RYR3: variants seen among roughly 807,000 people sequenced by gnomAD.
RYR3 encodes brain ryanodine receptor-calcium release channel.
Under a neutral mutation model 584.3 loss-of-function variants are expected in RYR3, and 207 were observed. The observed-to-expected ratio is 0.35, with a 90% CI of 0.32 to 0.40. The LOEUF is 0.40. Among genes scored for constraint, RYR3 ranks in the 10% least tolerant of loss-of-function variants. The pLI is 1.00. For missense variants in RYR3, 5,616 were observed against 6,089.2 expected (o/e 0.92, Z 2.59); for synonymous variants, 2,416 against 2,248.5 (o/e 1.07, Z -2.11).
intron 102 of RYR3, 148 bp downstream of exon 102, chr15:33,861,326 T>C (rs1478236964): frequency 8.7e-6 from 5 of 576,158 alleles, no homozygotes; most frequent in Admixed American, 5.6e-5. Flanking sequence ...CCATAGACTC[T>C]GTCTCTCCCA....
intron 2 of RYR3, among the ~76,000 whole-genome samples, chr15:33,488,957 T>A (rs1194305656): frequency 6.6e-6 from 1 of 152,226 alleles, no homozygotes; most frequent in Non-Finnish European, 1.5e-5. Context: ...GTCATGGTTA[T>A]GACCTTTTGT....
At chr15:33,372,104 T>C (rs575957720) in intron 1 of RYR3, among the ~76,000 whole-genome samples, 31 of 152,322 alleles carry the variant, frequency 2.0e-4, no homozygotes, top group Middle Eastern at 3.4e-3. Context: ...AATTATTCCA[T>C]TCAGTCTTCA....
intron 10 of RYR3, among the ~76,000 whole-genome samples, chr15:33,557,979 G>A (rs1468640414): frequency 1.3e-5 from 2 of 152,118 alleles, no homozygotes; most frequent in Non-Finnish European, 2.9e-5. Flanking sequence ...CAGATAAACA[G>A]ATACAGATTG....
intron 94 of RYR3, chr15:33,852,013 A>C: frequency 6.6e-6 from 1 of 152,072 alleles, no homozygotes; most frequent in Non-Finnish European, 1.5e-5. Flanking sequence ...AAACCAAAAA[A>C]AAAAAACATT....
chr15:33,585,465 G>C (rs1291789800), intron 15 of RYR3, among the ~76,000 whole-genome samples: 1 of 152,036 alleles, frequency 6.6e-6, no homozygotes, highest in African/African-American at 2.4e-5. Context: ...AAAAAAAGGG[G>C]GAAAAGCCAA....
At chr15:33,362,958 G>T (rs544253068) in intron 1 of RYR3, among the ~76,000 whole-genome samples, 29 of 152,284 alleles carry the variant, frequency 1.9e-4, no homozygotes, top group Admixed American at 9.8e-4. Flanking sequence ...GCTTGGGTCT[G>T]TACTCTCCTA....
intron 1 of RYR3, among the ~76,000 whole-genome samples, chr15:33,349,106 CTTT>C (rs749996197): frequency 8.8e-6 from 1 of 113,546 alleles, no homozygotes; most frequent in Non-Finnish European, 1.8e-5. Flanking sequence ...TAGCTTGTGC[CTTT>C]TTTTTTTTTT....
At chr15:33,650,334 G>A (rs185960995) in intron 31 of RYR3, among the ~76,000 whole-genome samples, 6 of 152,112 alleles carry the variant, frequency 3.9e-5, no homozygotes, top group Admixed American at 6.5e-5. Context: ...CCGAGATGGC[G>A]CCACTGCACT....
In RYR3 at chr15:33,441,015, A is replaced by G. The variant is rs141574953; in HGVS notation, c.52-32404A>G. Among the ~76,000 whole-genome samples the G allele has an allele frequency of 4.8e-3, 733 of 152,330 alleles. 6 individuals are homozygous for G. Among genetic ancestry groups the G allele is most frequent in the African/African-American group, 0.017 (695 of 41,578 alleles). On this transcript the variant is annotated intron_variant, in intron 1 of 103. Coordinates refer to ENST00000634891, the MANE Select transcript of RYR3 (RefSeq NM_001036.6). ...CTTGAGTCGCTTGGTGTTGTGTGACAGCAGTTTCTTACCCAGTTACGTACA... is the reference window on the plus strand; with the variant it reads ...CTTGAGTCGCTTGGTGTTGTGTGACGGCAGTTTCTTACCCAGTTACGTACA...
At chr15:33,436,487 C>T (rs548757922) in intron 1 of RYR3, among the ~76,000 whole-genome samples, 1 of 150,894 alleles carries the variant, frequency 6.6e-6, no homozygotes, top group South Asian at 2.1e-4. Context: ...TCTGCCTTTT[C>T]ATGAAACCAT....
At chr15:33,633,178 GGT>G in intron 24 of RYR3, 70 bp downstream of exon 24, 2 of 1,533,690 alleles carry the variant, frequency 1.3e-6, no homozygotes, top group Non-Finnish European at 1.8e-6. Flanking sequence ...GTTTTGCTTT[GGT>G]GTGTGTTAGA....
chr15:33,759,876 A>T (rs1165294141), intron 60 of RYR3, among the ~76,000 whole-genome samples: 1 of 152,208 alleles, frequency 6.6e-6, no homozygotes, highest in Non-Finnish European at 1.5e-5. Context: ...AAAAAATGTT[A>T]AGGGCAGCCA....
chr15:33,518,509 T>C (rs185915938), intron 3 of RYR3, among the ~76,000 whole-genome samples: 27 of 152,232 alleles, frequency 1.8e-4, no homozygotes, highest in Admixed American at 1.8e-3. Context: ...TAATACGCCT[T>C]CTTTCTTTGC....
At chr15:33,586,860 C>T (rs972759701) in intron 16 of RYR3, among the ~76,000 whole-genome samples, 20 of 152,184 alleles carry the variant, frequency 1.3e-4, no homozygotes, top group African/African-American at 3.4e-4. Flanking sequence ...TCTGCACACA[C>T]GGGGACTATC....
chr15:33,801,101 T>A lies in RYR3; in HGVS notation c.9918+244T>A, dbSNP rs116907448. On this transcript the variant is annotated intron_variant, in intron 68 of 103. Coordinates refer to ENST00000634891, the MANE Select transcript of RYR3 (RefSeq NM_001036.6). ...AGTTACTGACAGAGGCATAAATCAA[T>A]ACATGTAAAGTATACCTTGGTTTAG... Among the ~76,000 whole-genome samples, 134 of 152,292 alleles carry A rather than the reference T, an allele frequency of 8.8e-4. 3 individuals are homozygous for A. In the East Asian group the frequency reaches 0.025, roughly 28 times the overall value.
rs947230931 is a variant in RYR3 at position 33,390,422 on chromosome 15, C to A, written c.51+79326C>A. Among the ~76,000 whole-genome samples the A allele has an allele frequency of 6.6e-6, 1 of 152,210 alleles. No homozygotes were observed. On this transcript the variant is annotated intron_variant, in intron 1 of 103. Transcript: ENST00000634891. The surrounding 1 kb of genome is among the most constrained non-coding windows in gnomAD (Gnocchi z 4.2). ...AACTGATATTTGCAGGACCAAGCCA[C>A]TGCAAAAGAGAATTCCTATAAAACC...
At chr15:33,437,134 G>A (rs1381418615) in intron 1 of RYR3, among the ~76,000 whole-genome samples, 101 of 112,572 alleles carry the variant, frequency 9.0e-4, no homozygotes, top group African/African-American at 2.9e-3. Context: ...GTGTGTGTGT[G>A]TGTGTGTGTG....
At chr15:33,492,300 A>G (rs2051029797) in intron 2 of RYR3, among the ~76,000 whole-genome samples, 1 of 152,322 alleles carries the variant, frequency 6.6e-6, no homozygotes, top group African/African-American at 2.4e-5. Context: ...GGAGAGATAC[A>G]AGAACTTTTT....
chr15:33,467,796 T>C (rs2048604467), intron 1 of RYR3, among the ~76,000 whole-genome samples: 1 of 152,254 alleles, frequency 6.6e-6, no homozygotes, highest in African/African-American at 2.4e-5. Context: ...TTTGGGCTGA[T>C]GTTTACCCCT....
Sources: allele counts gnomAD v4.1 joint callset (sites outside exome capture counted in the v4.1 genomes callset), GRCh38; gene constraint gnomAD v4.1.1; non-coding constraint Gnocchi (gnomAD v3.1); transcripts MANE v1.5; gene names NCBI Gene and HGNC (gene_info 2026-07-23, HGNC 2026-07-21).